Variants in ATP9B observed in about 807,000 individuals in gnomAD.
ATP9B encodes the protein ATPase phospholipid transporting 9B.
ATP9B carries 110 observed loss-of-function variants against 146.1 expected under a neutral mutation model. The ratio of observed to expected loss-of-function variants is 0.75; its 90% CI spans 0.65 to 0.88. The LOEUF is 0.88. Among genes scored for constraint, ATP9B ranks in the 40% least tolerant of loss-of-function variants. The probability of loss-of-function intolerance (pLI) is 0.00; values close to 1 mark genes in which losing one functional copy is unlikely to be tolerated. For missense variants in ATP9B, 1,499 were observed against 1,496.4 expected, an observed-to-expected ratio of 1.00 and a Z score of -0.03; for synonymous variants, 604 against 569.7, an observed-to-expected ratio of 1.06 and a Z score of -0.86.
intron 9 of ATP9B, among the ~76,000 whole-genome samples, chr18:79,193,588 G>C (rs1051496451): frequency 6.6e-6 from 1 of 152,070 alleles, no homozygotes; most frequent in African/African-American, 2.4e-5. Context: ...ATCATGTCTA[G>C]CTTTTTACTG....
intron 13 of ATP9B, among the ~76,000 whole-genome samples, chr18:79,288,729 G>A (rs1190258504): frequency 6.6e-6 from 1 of 152,116 alleles, no homozygotes; most frequent in Non-Finnish European, 1.5e-5. Flanking sequence ...TTACAATTTG[G>A]CATGATTTTG....
chr18:79,369,376 C>G (rs2147966244), intron 26 of ATP9B, among the ~76,000 whole-genome samples: 1 of 151,858 alleles, frequency 6.6e-6, no homozygotes, highest in South Asian at 2.1e-4. Flanking sequence ...TACTAAAATA[C>G]AAAAAAATTA....
rs1302386715 is a variant in ATP9B, at chr18:79,347,914, T to G, written c.2827T>G (p.Ser943Ala). ...QFVMHRGLII[S>A]TMQAVFSSVF... ...CGTCATGCACAGGGGCCTTATCATC[T>G]CCACCATGCAGGTACTAAGCCTTCT... Residue 943 changes from serine to alanine, a missense_variant, in exon 24 of 30, where the codon TCC (serine) becomes GCC (alanine). Coordinates refer to ENST00000426216, the MANE Select transcript of ATP9B (RefSeq NM_198531.5). The G allele has an allele frequency of 6.2e-7, 1 of 1,612,110 alleles. No homozygotes were observed. Among genetic ancestry groups the G allele is most frequent in the South Asian group, 1.1e-5 (1 of 91,002 alleles).
At chr18:79,258,938 G>A (rs568276345) in intron 12 of ATP9B, among the ~76,000 whole-genome samples, 15 of 152,280 alleles carry the variant, frequency 9.9e-5, no homozygotes, top group South Asian at 6.2e-4. Flanking sequence ...CAAATTTTCC[G>A]TAAAATATGA....
chr18:79,167,827 C>T (rs1277904483), intron 7 of ATP9B, among the ~76,000 whole-genome samples: 1 of 152,228 alleles, frequency 6.6e-6, no homozygotes, highest in African/African-American at 2.4e-5. Context: ...TAGGGTTTCA[C>T]AGGGGACCTG....
chr18:79,303,737 C>T (rs781060513), intron 14 of ATP9B, 21 bp downstream of exon 14: 8 of 1,585,120 alleles, frequency 5.0e-6, no homozygotes, highest in Middle Eastern at 1.7e-4. Flanking sequence ...TCCTCCTGCA[C>T]GGGGTCTGCT....
intron 13 of ATP9B, 99 bp downstream of exon 13, chr18:79,277,295 G>A (rs1599522910): frequency 7.0e-7 from 1 of 1,434,884 alleles, no homozygotes; most frequent in Non-Finnish European, 9.5e-7. Context: ...ATGTATATAT[G>A]TGTATGTATT....
intron 12 of ATP9B, among the ~76,000 whole-genome samples, chr18:79,275,219 C>T (rs1194078679): frequency 2.0e-5 from 3 of 151,844 alleles, no homozygotes; most frequent in Non-Finnish European, 4.4e-5. Flanking sequence ...CTTTCAAGCC[C>T]TTTTCCCCTC....
Position 79,336,695 on chromosome 18 carries a change from A to C in ATP9B, c.2096A>C (p.Gln699Pro). The C allele has an allele frequency of 6.2e-7, 1 of 1,614,000 alleles. No individual in the cohort carries two copies. The highest frequency in any genetic ancestry group is 8.5e-7 in the Non-Finnish European group (1 of 1,180,008). ...GCAAAGAAGGCGTTGACAGAGGAGC[A>C]GTACCAGGACTTTGAGGTGAGCCGA... ...VVAKKALTEE[Q>P]YQDFESRYTQ... The change falls in exon 18 of 30, where the codon CAG becomes CCG. Residue 699 changes from glutamine to proline, a missense_variant. Coordinates refer to ENST00000426216, the MANE Select transcript of ATP9B (RefSeq NM_198531.5).
intron 13 of ATP9B, among the ~76,000 whole-genome samples, chr18:79,287,501 C>G (rs991406412): frequency 1.3e-5 from 2 of 152,060 alleles, no homozygotes; most frequent in African/African-American, 4.8e-5. Flanking sequence ...TTTGATTCTT[C>G]TCTCTTTTCT....
At chr18:79,256,286 T>TATATATATATATATATATACACAC (rs398033647) in intron 12 of ATP9B, among the ~76,000 whole-genome samples, 11 of 123,060 alleles carry the variant, frequency 8.9e-5, no homozygotes, top group African/African-American at 2.6e-4. Context: ...TATATATATA[T>TATATATATATATATATATACACAC]ACATACATAG....
At chr18:79,192,150 C>T (rs2095372708) in intron 8 of ATP9B, among the ~76,000 whole-genome samples, 2 of 152,148 alleles carry the variant, frequency 1.3e-5, no homozygotes, top group African/African-American at 4.8e-5. Flanking sequence ...CCTTTCTGAG[C>T]TTCCATTTCT....
At chr18:79,175,316 T>A (rs922909944) in intron 7 of ATP9B, among the ~76,000 whole-genome samples, 1 of 152,216 alleles carries the variant, frequency 6.6e-6, no homozygotes, top group African/African-American at 2.4e-5. Context: ...TTTTATTTTT[T>A]AGGAGTTTTT....
chr18:79,128,096 G>A (rs980348723), intron 5 of ATP9B, among the ~76,000 whole-genome samples: 6 of 105,416 alleles, frequency 5.7e-5, no homozygotes, highest in Non-Finnish European at 1.7e-5. Context: ...GTCTTGTTCT[G>A]TCGCCCAGGC....
At chr18:79,230,966 A>G (rs1599108399) in intron 11 of ATP9B, among the ~76,000 whole-genome samples, 1 of 152,284 alleles carries the variant, frequency 6.6e-6, no homozygotes, top group East Asian at 1.9e-4. Flanking sequence ...AGCCACATGT[A>G]GAAGCCTCAT....
At chr18:79,198,841 C>T (rs183243155) in intron 9 of ATP9B, among the ~76,000 whole-genome samples, 21 of 152,226 alleles carry the variant, frequency 1.4e-4, no homozygotes, top group African/African-American at 3.9e-4. Flanking sequence ...AATGTGAAGG[C>T]CTGGACATGA....
At chr18:79,335,030 CCTT>C (rs34048137) in intron 17 of ATP9B, among the ~76,000 whole-genome samples, 9,037 of 152,004 alleles carry the variant, frequency 0.059, 373 homozygotes, top group Non-Finnish European at 0.09. Flanking sequence ...CTCTGGGTGT[CCTT>C]CACGTCACCA....
chr18:79,291,144 ACT>A (rs1004186954), intron 13 of ATP9B, among the ~76,000 whole-genome samples: 1 of 150,294 alleles, frequency 6.7e-6, no homozygotes, highest in Non-Finnish European at 1.5e-5. Context: ...GTCCCAAAAA[ACT>A]CTTTTTCATT....
rs752788043 is a variant in ATP9B, at chr18:79,118,390, GTTTTTTTT to G, written c.558+5057_558+5064del. Among the ~76,000 whole-genome samples, 166 of 93,278 alleles carry G rather than the reference GTTTTTTTT, an allele frequency of 1.8e-3. 5 individuals are homozygous for G. Among genetic ancestry groups the G allele is most frequent in the African/African-American group, 5.7e-3 (145 of 25,660 alleles). The allele number at this position is 93,278 out of a possible 152,430, so 61.2% of individuals were successfully genotyped here. On this transcript the variant is annotated intron_variant, in intron 4 of 29. Transcript: ENST00000426216. ...AAACACAATCATATTGAACGTTTTT[GTTTTTTTT>G]TTTTTTTTTTTTTTTTTTTTGAGAC...
Sources: allele counts gnomAD v4.1 joint callset (sites outside exome capture counted in the v4.1 genomes callset), GRCh38; gene constraint gnomAD v4.1.1; transcripts MANE v1.5; gene names NCBI Gene and HGNC (gene_info 2026-07-23, HGNC 2026-07-21).